The following PDZD2 variants were observed in gnomAD, a reference collection of about 807,000 sequenced individuals.
PDZD2 encodes PDZ domain containing 2.
A neutral mutation model predicts 220.7 loss-of-function variants in PDZD2; 90 were observed. That is an observed-to-expected ratio of 0.41 (90% CI 0.34 to 0.49). The LOEUF (loss-of-function observed/expected upper bound fraction) is 0.49, where lower values mean the gene tolerates loss of function less well. Among genes scored for constraint, PDZD2 ranks in the 20% least tolerant of loss-of-function variants. The probability of loss-of-function intolerance (pLI) is 0.28; values close to 1 mark genes in which losing one functional copy is unlikely to be tolerated. For missense variants in PDZD2, 3,174 were observed against 3,608.5 expected, an observed-to-expected ratio of 0.88 and a Z score of 3.08; for synonymous variants, 1,375 against 1,450.5, an observed-to-expected ratio of 0.95 and a Z score of 1.18.
intron 2 of PDZD2, among the ~76,000 whole-genome samples, chr5:31,925,954 A>G (rs1744718294): frequency 6.6e-6 from 1 of 152,142 alleles, no homozygotes; most frequent in Admixed American, 6.5e-5. Context: ...CAAGTGCCTC[A>G]TGCCTATAAT....
At position 32,098,563 on chromosome 5, in the gene PDZD2, G is replaced by A. The variant is rs142643164; in HGVS notation, c.8147G>A (p.Arg2716Gln). ...KGMDQPRPSARQEPPTANGKG... is the reference protein window; with the variant it reads ...KGMDQPRPSAQQEPPTANGKG... ...ATGGATCAGCCCAGGCCCTCTGCCCGGCAGGAGCCTCCCACAGCCAATGGG... is the reference window on the plus strand; with the variant it reads ...ATGGATCAGCCCAGGCCCTCTGCCCAGCAGGAGCCTCCCACAGCCAATGGG... Residue 2716 changes from arginine to glutamine, a missense_variant, in exon 23 of 25, where the codon CGG becomes CAG. Arg to Gln is a conservative substitution (Grantham distance 43, BLOSUM62 1). Coordinates refer to ENST00000438447, the MANE Select transcript of PDZD2 (RefSeq NM_178140.4). The surrounding 1 kb of genome is among the most constrained non-coding windows in gnomAD (Gnocchi z 4.1). 2.9e-4 allele frequency: 476 copies of A among 1,614,120 alleles called. No homozygotes were observed. In the African/African-American group the frequency reaches 5.7e-3, roughly 19 times the overall value.
chr5:31,881,293 G>T (rs1161480668), intron 2 of PDZD2, among the ~76,000 whole-genome samples: 4 of 148,634 alleles, frequency 2.7e-5, no homozygotes, highest in African/African-American at 9.9e-5. Flanking sequence ...TGTTTTTAAT[G>T]ACACTGACTT....
intron 2 of PDZD2, among the ~76,000 whole-genome samples, chr5:31,880,791 C>CTTTTTCCTTTTTTTTTTTT (rs1739798959): frequency 1.3e-5 from 1 of 76,486 alleles, no homozygotes; most frequent in African/African-American, 6.5e-5. Flanking sequence ...TTTTTTTTTT[C>CTTTTTCCTTTTTTTTTTTT]TTTTTTTTTT....
chr5:31,693,099 C>A (rs538163357), intron 1 of PDZD2: 1 of 33,738 alleles, frequency 3.0e-5, no homozygotes, highest in Admixed American at 2.5e-4. Context: ...GGGCCTGCTG[C>A]GCTGCTCATG....
At chr5:31,986,659 C>CG (rs1229832387) in intron 3 of PDZD2, among the ~76,000 whole-genome samples, 5 of 29,306 alleles carry the variant, frequency 1.7e-4, no homozygotes, top group East Asian at 1.2e-3. Flanking sequence ...TTGCGGGGGG[C>CG]GGGGGGGAAT....
At chr5:31,738,909 A>G (rs552434360) in intron 1 of PDZD2, among the ~76,000 whole-genome samples, 19 of 150,846 alleles carry the variant, frequency 1.3e-4, no homozygotes, top group Non-Finnish European at 2.7e-4. Flanking sequence ...TTTTTCAGAC[A>G]CAGTCTTGCT....
intron 2 of PDZD2, among the ~76,000 whole-genome samples, chr5:31,901,883 T>C (rs1427084503): frequency 6.6e-6 from 1 of 152,248 alleles, no homozygotes; most frequent in African/African-American, 2.4e-5. Flanking sequence ...TGTGACTGGC[T>C]TCTTTCACTT....
intron 1 of PDZD2, among the ~76,000 whole-genome samples, chr5:31,737,678 T>C (rs1749990510): frequency 6.6e-6 from 1 of 152,210 alleles, no homozygotes; most frequent in Non-Finnish European, 1.5e-5. Context: ...AGATGTCCTC[T>C]TGAGGTTTCA....
rs76946194 is a variant in PDZD2, at chr5:32,078,140, G to T, written c.3682+534G>T. ...GTCAGTTGACCCTTTTTACCCTTTT[G>T]TGACACCAACAAGACATGAGATGAA... On this transcript the variant is annotated intron_variant, in intron 19 of 24. Transcript: ENST00000438447. Among the ~76,000 whole-genome samples, 9 of 151,990 alleles carry T rather than the reference G, an allele frequency of 5.9e-5. No individual in the cohort carries two copies. The East Asian group carries it at 1.7e-3, about 29-fold the overall frequency.
chr5:31,812,093 T>C (rs183675779), intron 2 of PDZD2, among the ~76,000 whole-genome samples: 1 of 152,234 alleles, frequency 6.6e-6, no homozygotes, highest in Admixed American at 6.5e-5. Context: ...AAGTCTGGGT[T>C]TTTCCCTGAC....
chr5:31,898,662 T>C (rs1389068408), intron 2 of PDZD2, among the ~76,000 whole-genome samples: 1 of 152,168 alleles, frequency 6.6e-6, no homozygotes. Flanking sequence ...AGTGTGTGGA[T>C]GCTGAGAGCT....
intron 2 of PDZD2, among the ~76,000 whole-genome samples, chr5:31,948,106 T>G (rs1282739724): frequency 6.6e-6 from 1 of 151,008 alleles, no homozygotes; most frequent in Non-Finnish European, 1.5e-5. Context: ...TTGGGAGGAG[T>G]CAGGATTTCC....
At chr5:31,734,205 G>A (rs1421277361) in intron 1 of PDZD2, among the ~76,000 whole-genome samples, 2 of 152,070 alleles carry the variant, frequency 1.3e-5, no homozygotes, top group Non-Finnish European at 2.9e-5. Flanking sequence ...GCGAGGTATG[G>A]GGGAAAGGGT....
At chr5:31,913,132 G>A (rs1197868326) in intron 2 of PDZD2, among the ~76,000 whole-genome samples, 2 of 152,184 alleles carry the variant, frequency 1.3e-5, no homozygotes, top group African/African-American at 2.4e-5. Flanking sequence ...ACTTTGGAAG[G>A]CTGAGGCGGG....
At chr5:31,759,407 G>T (rs528647022) in intron 1 of PDZD2, among the ~76,000 whole-genome samples, 1 of 152,200 alleles carries the variant, frequency 6.6e-6, no homozygotes, top group South Asian at 2.1e-4. Context: ...ATTTGCTGGC[G>T]CTGTAGTCAG....
intron 2 of PDZD2, among the ~76,000 whole-genome samples, chr5:31,854,389 T>G (rs939324051): frequency 1.3e-5 from 2 of 152,192 alleles, no homozygotes; most frequent in African/African-American, 2.4e-5. Context: ...GCTTCAGTCG[T>G]GCAGTCACCG....
chr5:32,080,111 G>A (rs150149707), intron 19 of PDZD2, among the ~76,000 whole-genome samples: 4,343 of 152,254 alleles, frequency 0.029, 76 homozygotes, highest in Non-Finnish European at 0.042. Flanking sequence ...CACTTTGGGA[G>A]GCCAAGACGG....
In PDZD2 at chr5:32,037,259, T is replaced by C. The variant is rs141003380; in HGVS notation, c.1436T>C (p.Val479Ala). 4.3e-5 allele frequency: 69 copies of C among 1,613,440 alleles called. No homozygotes were observed. The highest frequency in any genetic ancestry group is 5.4e-5 in the Non-Finnish European group (64 of 1,179,468). The change falls in exon 7 of 25, where the codon GTG (valine) becomes GCG (alanine). Residue 479 changes from valine (V) to alanine (A), a missense_variant. Physicochemically the swap from Val to Ala is moderately conservative, Grantham distance 64. This residue lies in a region of PDZD2 where 632 missense variants were observed against 708.1 expected (regional missense o/e 0.89). Transcript: ENST00000438447. ...AMPGTDEPQD[V>A]CGAEESKGNL... The stretch of plus-strand genomic sequence containing the variant: ...CCTGGGACAGATGAACCCCAAGATG[T>C]GTGCGGTGCTGAGGAATCCAAGGGG...
rs143872324 is a variant in PDZD2, at chr5:31,736,085, G to A, written c.-360-62804G>A. ...CAGTAAATAAAAATCATCTAAAACG[G>A]AGGTAATGCTAACAGTATCTTGTGT... On this transcript the variant is annotated intron_variant, in intron 1 of 24. Coordinates refer to ENST00000438447, the MANE Select transcript of PDZD2 (RefSeq NM_178140.4). Among the ~76,000 whole-genome samples the A allele has an allele frequency of 3.0e-3, 451 of 152,294 alleles. 1 individual carries two copies. The highest frequency in any genetic ancestry group is 0.01 in the African/African-American group (422 of 41,580).
Sources: gnomAD v4.1 joint callset for allele counts (sites outside exome capture counted in the v4.1 genomes callset) on GRCh38, gnomAD v4.1.1 for gene constraint, gnomAD v4.1.1 regional missense constraint, Gnocchi (gnomAD v3.1) non-coding constraint, MANE v1.5 for transcripts, NCBI Gene and HGNC (gene_info 2026-07-23, HGNC 2026-07-21) for gene names.